The following MS4A5 variants were observed in gnomAD, a reference collection of about 807,000 sequenced individuals.
MS4A5 encodes the protein membrane-spanning 4-domains subfamily A member 5.
MS4A5 carries 15 observed loss-of-function variants against 18.2 expected under a neutral mutation model. The ratio of observed to expected loss-of-function variants is 0.83; its 90% confidence interval spans 0.55 to 1.27. The LOEUF is 1.27. MS4A5 is among the 50% of genes most tolerant of loss of function. The pLI is 0.00. For synonymous variants in MS4A5, 89 were observed against 78.7 expected (o/e 1.13, Z -0.69); for missense variants, 232 against 225.7 (o/e 1.03, Z -0.18).
At position 60,435,792 on chromosome 11, in the gene MS4A5, G is replaced by A. The variant is rs892521101; in HGVS notation, c.492+1875G>A. Among the ~76,000 whole-genome samples, 440 of 152,108 alleles carry A rather than the reference G, an allele frequency of 2.9e-3. 1 individual carries two copies. Among genetic ancestry groups the A allele is most frequent in the African/African-American group, 9.9e-3 (412 of 41,554 alleles). ...GCTCGGAGGGTCCTATGCCCACGGA[G>A]TCTCGCTGATTGCTAGCACAGCAGT... is the stretch of plus-strand genomic sequence containing the variant. On this transcript the variant is annotated intron_variant, in intron 4 of 4. Transcript: ENST00000300190.
Position 60,447,785 on chromosome 11 carries a change from T to G in MS4A5, c.*26T>G, listed in dbSNP as rs1350954898. 7.4e-7 allele frequency: 1 copy of G among 1,349,816 alleles called. No homozygotes were observed. The highest frequency in any genetic ancestry group is 1.0e-6 in the Non-Finnish European group (1 of 957,580). 83.6% of individuals were successfully genotyped at this position (1,349,816 alleles called of 1,614,324 possible). ...CTAGCACTGTGAGAATAAAGATGTG[T>G]TAAAATATTATGTAGCAATGACTTC... On this transcript the variant is annotated 3_prime_UTR_variant, in exon 5 of 5. Coordinates refer to ENST00000300190, the MANE Select transcript of MS4A5 (RefSeq NM_023945.3).
rs956971533 is a variant in MS4A5, at chr11:60,429,618, G to A, written c.-57G>A. Reference sequence around the variant, plus strand: ...CAGCCTCAGCACAAGAAAAGAACATGGTCTAGACTGAAGTACCAACTAAAT... The same window carrying A: ...CAGCCTCAGCACAAGAAAAGAACATAGTCTAGACTGAAGTACCAACTAAAT... On this transcript the variant is annotated 5_prime_UTR_variant, in exon 1 of 5. It removes an upstream start codon present in the reference 5' UTR. Transcript: ENST00000300190. The A allele has an allele frequency of 2.6e-6, 4 of 1,535,002 alleles. No homozygotes were observed. Among genetic ancestry groups the A allele is most frequent in the South Asian group, 1.3e-5 (1 of 79,582 alleles).
At chr11:60,444,224 A>G (rs556444872) in intron 4 of MS4A5, among the ~76,000 whole-genome samples, 2 of 152,348 alleles carry the variant, frequency 1.3e-5, no homozygotes, top group Admixed American at 1.3e-4. Flanking sequence ...AATATTAACA[A>G]AATCAAATTC....
At chr11:60,445,153 C>A (rs1441092208) in intron 4 of MS4A5, among the ~76,000 whole-genome samples, 1 of 152,094 alleles carries the variant, frequency 6.6e-6, no homozygotes, top group African/African-American at 2.4e-5. Flanking sequence ...GGGTGGTTGA[C>A]TCTCAATAGG....
chr11:60,431,791 G>A (rs937158515), intron 2 of MS4A5, among the ~76,000 whole-genome samples: 5 of 152,170 alleles, frequency 3.3e-5, no homozygotes, highest in Non-Finnish European at 7.4e-5. Context: ...TGAAGGTATG[G>A]GAGAGCATTT....
rs2086045793 is a variant in MS4A5 at position 60,430,961 on chromosome 11, C to A, written c.282+37C>A. The A allele has an allele frequency of 2.5e-6, 4 of 1,589,324 alleles. No individual in the cohort carries two copies. The African/African-American group carries it at 5.5e-5, about 22-fold the overall frequency. ...CAATCAAGTTCAATTTGAAGCCATG[C>A]CAACCAGGATGTTAGGGAATTCTTC... On this transcript the variant is annotated intron_variant, in intron 2 of 4. Coordinates refer to ENST00000300190, the MANE Select transcript of MS4A5 (RefSeq NM_023945.3).
Position 60,429,777 on chromosome 11 carries a change from A to G in MS4A5, c.103A>G (p.Thr35Ala), listed in dbSNP as rs867584331. 2 of 1,614,062 alleles carry G rather than the reference A, an allele frequency of 1.2e-6. No individual in the cohort carries two copies. The highest frequency in any genetic ancestry group is 1.1e-5 in the South Asian group (1 of 91,066). The change falls in exon 1 of 5, where the codon ACT (threonine) becomes GCT (alanine). Residue 35 changes from threonine (T) to alanine (A), a missense_variant. Physicochemically the swap from Thr to Ala is moderately conservative, Grantham distance 58. Transcript: ENST00000300190. ...STELSATTFS[T>A]QSPLQKLFAR... ...AGAACTTTCAGCCACGACCTTTTCA[A>G]CTCAAAGCCCCTTGCAAAAATTATT...
chr11:60,432,376 AT>A (rs1565186358), intron 2 of MS4A5, 34 bp from the exon 3 acceptor site: 1 of 1,404,056 alleles, frequency 7.1e-7, no homozygotes, highest in Admixed American at 1.8e-5. Flanking sequence ...TCAGCTAAAC[AT>A]GGTCATCATT....
chr11:60,433,293 C>T (rs754990620), intron 3 of MS4A5, among the ~76,000 whole-genome samples: 1 of 152,122 alleles, frequency 6.6e-6, no homozygotes, highest in Non-Finnish European at 1.5e-5. Flanking sequence ...AATATTTTTA[C>T]TTTACTCAAA....
chr11:60,433,508 T>C (rs551176409), intron 3 of MS4A5, among the ~76,000 whole-genome samples: 12 of 152,266 alleles, frequency 7.9e-5, no homozygotes, highest in African/African-American at 2.9e-4. Context: ...ACACCCTTCC[T>C]CCCAACTGAA....
chr11:60,429,632 TACCA>T lies in MS4A5; in HGVS notation c.-40_-37del, dbSNP rs1565185688. The T allele has an allele frequency of 6.3e-7, 1 of 1,578,938 alleles. No individual in the cohort carries two copies. Among genetic ancestry groups the T allele is most frequent in the Non-Finnish European group, 8.6e-7 (1 of 1,164,974 alleles). On this transcript the variant is annotated 5_prime_UTR_variant, in exon 1 of 5. Transcript: ENST00000300190. The stretch of plus-strand genomic sequence containing the variant: ...GAAAAGAACATGGTCTAGACTGAAG[TACCA>T]ACTAAATCATCTCCTTTCAAATTAT...
At chr11:60,439,925 T>C (rs10897063) in intron 4 of MS4A5, among the ~76,000 whole-genome samples, 108,256 of 108,348 alleles carry the variant, frequency 1, 54,087 homozygotes, top group Middle Eastern at 1. Context: ...GAAAAAACTA[T>C]TTTAAAGTTC....
chr11:60,430,734 C>G, intron 1 of MS4A5, 62 bp from the exon 2 acceptor site: 1 of 1,583,020 alleles, frequency 6.3e-7, no homozygotes, highest in Non-Finnish European at 8.6e-7. Context: ...AGAAGATATT[C>G]TAAACAGAAG....
intron 4 of MS4A5, among the ~76,000 whole-genome samples, chr11:60,435,933 G>C (rs181544933): frequency 2.4e-4 from 36 of 152,380 alleles, no homozygotes; most frequent in African/African-American, 7.9e-4. Context: ...TCCCACGACA[G>C]CTCAAGGAGG....
At chr11:60,435,575 C>T (rs559643939) in intron 4 of MS4A5, 7 of 323,696 alleles carry the variant, frequency 2.2e-5, no homozygotes, top group Admixed American at 4.3e-5. Context: ...TGGGTGCGTG[C>T]ACCCTGCGCG....
chr11:60,437,699 G>A (rs1482354287), intron 4 of MS4A5, among the ~76,000 whole-genome samples: 1 of 151,148 alleles, frequency 6.6e-6, no homozygotes, highest in Non-Finnish European at 1.5e-5. Flanking sequence ...ATGGTAAAGG[G>A]ATCAATTCAA....
chr11:60,440,316 A>G (rs1386436205), intron 4 of MS4A5, among the ~76,000 whole-genome samples: 1 of 121,704 alleles, frequency 8.2e-6, no homozygotes, highest in Non-Finnish European at 1.8e-5. Context: ...CTAAAACCAT[A>G]AAAACCCTAG....
chr11:60,432,297 G>T, intron 2 of MS4A5, 114 bp from the exon 3 acceptor site: 1 of 598,644 alleles, frequency 1.7e-6, no homozygotes. Context: ...CTGCCCTGAG[G>T]AGTGTGTGAA....
intron 4 of MS4A5, among the ~76,000 whole-genome samples, chr11:60,438,814 G>C (rs2086095104): frequency 7.4e-6 from 1 of 134,586 alleles, no homozygotes; most frequent in Non-Finnish European, 1.6e-5. Context: ...TCCAGGACCA[G>C]ATGGATTCAC....
Sources: allele counts gnomAD v4.1 joint callset (sites outside exome capture counted in the v4.1 genomes callset), GRCh38; gene constraint gnomAD v4.1.1; transcripts MANE v1.5; gene names NCBI Gene and HGNC (gene_info 2026-07-23, HGNC 2026-07-21).